Variants in POFUT3 observed in about 807,000 individuals in gnomAD.
POFUT3 encodes the protein GDP-fucose protein O-fucosyltransferase 3.
the POFUT3 span, chr8:33,452,032 A>G: frequency 6.6e-6 from 1 of 152,104 alleles, no homozygotes; most frequent in Non-Finnish European, 1.5e-5. Context: ...GGGTGGGGAC[A>G]CAGCCAAACC....
chr8:33,395,616 C>T, the POFUT3 span, among the ~76,000 whole-genome samples: 27 of 152,126 alleles, frequency 1.8e-4, no homozygotes, highest in Admixed American at 4.6e-4. Flanking sequence ...CTCTTGGGCA[C>T]TGGATAAGGA....
At chr8:33,349,392 C>T in the POFUT3 span, among the ~76,000 whole-genome samples, 9 of 152,300 alleles carry the variant, frequency 5.9e-5, no homozygotes, top group East Asian at 7.7e-4. Context: ...ACCTGACCAG[C>T]GTACGCTGTA....
chr8:33,333,613 G>A, the POFUT3 span, among the ~76,000 whole-genome samples: 2 of 133,904 alleles, frequency 1.5e-5, no homozygotes, highest in Non-Finnish European at 3.1e-5. Flanking sequence ...AATGGAATAG[G>A]CAAAGAAATA....
the POFUT3 span, among the ~76,000 whole-genome samples, chr8:33,418,902 G>A: frequency 1.3e-5 from 2 of 152,168 alleles, no homozygotes; most frequent in African/African-American, 4.8e-5. Flanking sequence ...CATTAAAAAG[G>A]ATGAAATCCT....
At chr8:33,320,845 G>T in the POFUT3 span, among the ~76,000 whole-genome samples, 1 of 152,034 alleles carries the variant, frequency 6.6e-6, no homozygotes, top group Non-Finnish European at 1.5e-5. Context: ...AAAGCTACAA[G>T]GCTTCTAATC....
the POFUT3 span, among the ~76,000 whole-genome samples, chr8:33,438,012 T>C: frequency 1.3e-5 from 2 of 152,328 alleles, no homozygotes; most frequent in African/African-American, 4.8e-5. Flanking sequence ...AATATGTAGA[T>C]GTCAATTACC....
At chr8:33,339,060 A>G in the POFUT3 span, 2 of 152,336 alleles carry the variant, frequency 1.3e-5, no homozygotes, top group Admixed American at 6.5e-5. Context: ...TAAATGAAAA[A>G]AGACAATCAA....
the POFUT3 span, among the ~76,000 whole-genome samples, chr8:33,318,503 T>A: frequency 2.8e-5 from 3 of 106,882 alleles, 1 homozygote; most frequent in East Asian, 8.4e-4. Context: ...TATATTATAA[T>A]ATAATATATT....
chr8:33,366,947 A>G, the POFUT3 span, among the ~76,000 whole-genome samples: 1 of 152,172 alleles, frequency 6.6e-6, no homozygotes, highest in African/African-American at 2.4e-5. Flanking sequence ...ACAGAATATT[A>G]AAAAGACATG....
the POFUT3 span, among the ~76,000 whole-genome samples, chr8:33,309,375 G>T: frequency 6.6e-6 from 1 of 150,804 alleles, no homozygotes; most frequent in African/African-American, 2.4e-5. Flanking sequence ...GTGTGTGTGT[G>T]TTTTTCTCCC....
chr8:33,381,973 A>G, the POFUT3 span, among the ~76,000 whole-genome samples: 4 of 152,158 alleles, frequency 2.6e-5, no homozygotes, highest in Non-Finnish European at 4.4e-5. Flanking sequence ...CACCTTCAAT[A>G]CAATTTTTTT....
chr8:33,400,130 T>TAAAA, the POFUT3 span, among the ~76,000 whole-genome samples: 14 of 114,910 alleles, frequency 1.2e-4, no homozygotes, highest in South Asian at 1.8e-3. Flanking sequence ...TTAAGTTCAT[T>TAAAA]AAAAAAAAAA....
chr8:33,345,656 C>A, the POFUT3 span, among the ~76,000 whole-genome samples: 1 of 151,712 alleles, frequency 6.6e-6, no homozygotes, highest in African/African-American at 2.4e-5. Context: ...CCACGTAGGC[C>A]TCCCAAACTG....
chr8:33,309,301 T>A, the POFUT3 span, among the ~76,000 whole-genome samples: 1 of 150,704 alleles, frequency 6.6e-6, no homozygotes, highest in South Asian at 2.1e-4. Flanking sequence ...TGGCTTATTA[T>A]ATCTGCATTG....
the POFUT3 span, among the ~76,000 whole-genome samples, chr8:33,419,776 T>C: frequency 4.6e-5 from 7 of 152,242 alleles, no homozygotes; most frequent in Admixed American, 4.6e-4. Flanking sequence ...TGATACATTA[T>C]GTAATATGTT....
At chr8:33,434,547 TC>T in the POFUT3 span, among the ~76,000 whole-genome samples, 7 of 152,190 alleles carry the variant, frequency 4.6e-5, no homozygotes, top group Non-Finnish European at 1.0e-4. Flanking sequence ...CTCTGTGGGT[TC>T]TTTAAAAACA....
chr8:33,357,325 T>C, the POFUT3 span, among the ~76,000 whole-genome samples: 1 of 152,104 alleles, frequency 6.6e-6, no homozygotes, highest in Non-Finnish European at 1.5e-5. Flanking sequence ...TGAGTGTCTA[T>C]CTTTCCTATC....
chr8:33,362,954 T>C, the POFUT3 span, among the ~76,000 whole-genome samples: 1 of 152,100 alleles, frequency 6.6e-6, no homozygotes, highest in African/African-American at 2.4e-5. Flanking sequence ...CCACCCCAAA[T>C]CAACAGAATA....
At chr8:33,380,086 AC>A in the POFUT3 span, among the ~76,000 whole-genome samples, 7 of 67,984 alleles carry the variant, frequency 1.0e-4, no homozygotes, top group Admixed American at 3.9e-4. Flanking sequence ...CACTATATAT[AC>A]TATATATATA....
Sources: gnomAD v4.1 joint callset for allele counts (sites outside exome capture counted in the v4.1 genomes callset) on GRCh38, gnomAD v4.1.1 for gene constraint, MANE v1.5 for transcripts, NCBI Gene and HGNC (gene_info 2026-07-23, HGNC 2026-07-21) for gene names.